CBFB: variants seen among roughly 807,000 people sequenced by gnomAD.
The protein encoded by CBFB is core-binding factor subunit beta, also known as CBF-beta.
In CBFB, 9 loss-of-function variants were observed where a neutral mutation model predicts 30.4. That is an observed-to-expected ratio of 0.30 (90% CI 0.18 to 0.52). CBFB has a LOEUF of 0.52. Ranked by LOEUF, CBFB falls within the 20% of genes least tolerant of loss-of-function variation. The pLI, the probability that CBFB is intolerant of heterozygous loss-of-function variation, is 0.97. For missense variants in CBFB, 170 were observed against 244.0 expected (o/e 0.70, Z 2.02); for synonymous variants, 94 against 84.0 (o/e 1.12, Z -0.65).
chr16:67,067,033 A>G, intron 4 of CBFB: 1 of 287,582 alleles, frequency 3.5e-6, no homozygotes, highest in South Asian at 6.1e-5. Flanking sequence ...TGGGTGCTTC[A>G]AAGTCCAGCA....
At chr16:67,080,091 C>G (rs925131502) in intron 4 of CBFB, among the ~76,000 whole-genome samples, 5 of 152,126 alleles carry the variant, frequency 3.3e-5, no homozygotes, top group Non-Finnish European at 7.4e-5. Context: ...GACTCTGTCT[C>G]AAAAATAATA....
chr16:67,064,965 T>C (rs1039957337), intron 3 of CBFB, among the ~76,000 whole-genome samples: 1 of 152,172 alleles, frequency 6.6e-6, no homozygotes, highest in African/African-American at 2.4e-5. Context: ...TGGCACTATC[T>C]CGGCTCACTG....
rs750069426 is a variant in CBFB, at chr16:67,029,783, G to C, written c.135G>C (p.Gln45His). 8.7e-5 allele frequency: 139 copies of C among 1,592,252 alleles called. No individual in the cohort carries two copies. Among genetic ancestry groups the C allele is most frequent in the Non-Finnish European group, 1.1e-4 (134 of 1,171,598 alleles). Reference sequence around the variant, plus strand: ...ACGAGGAACGCCAGGCACGCTTCCAGAACGCCTGCCGCGACGGCCGCTCGG... The same window carrying C: ...ACGAGGAACGCCAGGCACGCTTCCACAACGCCTGCCGCGACGGCCGCTCGG... ...RPHEERQARF[Q>H]NACRDGRSEI... is the part of the protein sequence containing the mutation. Residue 45 changes from glutamine to histidine, a missense_variant, in exon 2 of 6, where the codon CAG becomes CAC. Physicochemically the swap from Gln to His is conservative, Grantham distance 24 (BLOSUM62 0). Transcript: ENST00000412916.
intron 3 of CBFB, among the ~76,000 whole-genome samples, chr16:67,053,325 C>T (rs559109367): frequency 1.5e-4 from 22 of 146,022 alleles, no homozygotes; most frequent in African/African-American, 5.6e-4. Flanking sequence ...GCGATCTCGG[C>T]TCACTGCAAG....
intron 3 of CBFB, among the ~76,000 whole-genome samples, chr16:67,056,788 T>TA (rs1960739262): frequency 6.6e-6 from 1 of 151,860 alleles, no homozygotes; most frequent in Non-Finnish European, 1.5e-5. Flanking sequence ...TTCAAGCAGG[T>TA]CTCCTGCCTC....
intron 3 of CBFB, among the ~76,000 whole-genome samples, chr16:67,063,001 G>A (rs575082094): frequency 2.6e-5 from 4 of 152,148 alleles, no homozygotes; most frequent in South Asian, 4.2e-4. Context: ...ATGCTACTCC[G>A]TCCACCTGTT....
chr16:67,063,854 A>G (rs577599082), intron 3 of CBFB, among the ~76,000 whole-genome samples: 191 of 152,334 alleles, frequency 1.3e-3, no homozygotes, highest in African/African-American at 4.4e-3. Context: ...AAAGAATCCA[A>G]GAGTCTGAAG....
chr16:67,029,515 C>A, intron 1 of CBFB, 30 bp downstream of exon 1: 1 of 1,565,274 alleles, frequency 6.4e-7, no homozygotes, highest in Non-Finnish European at 8.7e-7. Context: ...GGCTAGGAGG[C>A]CGCAGCGCGC....
intron 3 of CBFB, among the ~76,000 whole-genome samples, chr16:67,060,566 T>G (rs8060200): frequency 2.0e-3 from 298 of 152,164 alleles, no homozygotes; most frequent in African/African-American, 6.6e-3. Flanking sequence ...TTTTTGTTTG[T>G]TTTTTTGAGA....
chr16:67,056,364 C>T (rs1960724094), intron 3 of CBFB, among the ~76,000 whole-genome samples: 1 of 152,140 alleles, frequency 6.6e-6, no homozygotes, highest in African/African-American at 2.4e-5. Context: ...TGAACAGAAG[C>T]ATACATAAAA....
At chr16:67,037,597 A>G (rs1966463389) in intron 3 of CBFB, among the ~76,000 whole-genome samples, 1 of 152,026 alleles carries the variant, frequency 6.6e-6, no homozygotes, top group South Asian at 2.1e-4. Flanking sequence ...AAGATACAAA[A>G]ATATAGGTAA....
At position 67,100,121 on chromosome 16, in the gene CBFB, C is replaced by A. The variant is rs556849808; in HGVS notation, c.*1343C>A. On this transcript the variant is annotated 3_prime_UTR_variant, in exon 6 of 6. Transcript: ENST00000412916. ...TGCTAAGTCATTTGGCACCTCCTTA[C>A]AAATATTTTTCATGGTCACATTTAT... is the stretch of plus-strand genomic sequence containing the variant. The A allele has an allele frequency of 1.4e-5, 3 of 212,154 alleles. No individual in the cohort carries two copies. Among genetic ancestry groups the A allele is most frequent in the South Asian group, 3.7e-4 (2 of 5,368 alleles). 13.1% of individuals were successfully genotyped at this position (212,154 alleles called of 1,614,324 possible). A position where few individuals can be genotyped will look rare whatever the true frequency, so the allele number is the denominator to read the frequency against.
intron 4 of CBFB, among the ~76,000 whole-genome samples, chr16:67,073,937 G>C (rs571703817): frequency 6.6e-6 from 1 of 152,002 alleles, no homozygotes; most frequent in Non-Finnish European, 1.5e-5. Context: ...GCTGAGGCAG[G>C]AGAATGGCAT....
intron 1 of CBFB, 28 bp from the exon 2 acceptor site, chr16:67,029,699 C>G (rs780760045): frequency 2.2e-5 from 35 of 1,563,132 alleles, no homozygotes; most frequent in African/African-American, 2.8e-5. Context: ...GGATTTGGCT[C>G]CTGATTTCGG....
chr16:67,092,503 C>G (rs1961915242), intron 5 of CBFB, among the ~76,000 whole-genome samples: 1 of 152,052 alleles, frequency 6.6e-6, no homozygotes, highest in Non-Finnish European at 1.5e-5. Flanking sequence ...GGGGAAATTA[C>G]TTAACCTTAG....
intron 4 of CBFB, among the ~76,000 whole-genome samples, chr16:67,070,264 C>G (rs141448356): frequency 4.5e-4 from 69 of 152,270 alleles, no homozygotes; most frequent in African/African-American, 1.5e-3. Context: ...CCCAGGCCAT[C>G]CCAGTGGCAC....
At chr16:67,034,409 T>C (rs985160826) in intron 2 of CBFB, among the ~76,000 whole-genome samples, 1 of 152,236 alleles carries the variant, frequency 6.6e-6, no homozygotes, top group African/African-American at 2.4e-5. Context: ...TCATTTTGTT[T>C]ATTTTCGTCT....
intron 5 of CBFB, chr16:67,093,372 T>A: frequency 7.6e-6 from 1 of 131,922 alleles, no homozygotes; most frequent in Admixed American, 7.1e-5. Flanking sequence ...CAGCAGGTTT[T>A]TTTTTTTTTT....
At chr16:67,075,197 A>ATACGTGTG (rs369475383) in intron 4 of CBFB, among the ~76,000 whole-genome samples, 3,984 of 142,740 alleles carry the variant, frequency 0.028, 108 homozygotes, top group African/African-American at 0.028. Context: ...CTCAAAAAAA[A>ATACGTGTG]TGTGTGTGTG....
Sources: allele counts gnomAD v4.1 joint callset (sites outside exome capture counted in the v4.1 genomes callset), GRCh38; gene constraint gnomAD v4.1.1; transcripts MANE v1.5; gene names NCBI Gene and HGNC (gene_info 2026-07-23, HGNC 2026-07-21).